The following JMJD8 variants were observed in gnomAD, a reference collection of about 807,000 sequenced individuals.
JMJD8 encodes jmjC domain-containing protein 8.
In JMJD8, 56 loss-of-function variants were observed where a neutral mutation model predicts 37.6. The ratio of observed to expected loss-of-function variants is 1.49; its 90% CI spans 1.20 to 1.86. The LOEUF (loss-of-function observed/expected upper bound fraction) is 1.86, where lower values mean the gene tolerates loss of function less well. Among genes scored for constraint, JMJD8 ranks in the 40% most tolerant of loss-of-function variants. The probability of loss-of-function intolerance (pLI) is 0.00; values close to 1 mark genes in which losing one functional copy is unlikely to be tolerated. For synonymous variants in JMJD8, 261 were observed against 163.7 expected (o/e 1.59, Z -4.54); for missense variants, 542 against 362.7 (o/e 1.49, Z -4.01).
Position 682,439 on chromosome 16 carries a change from G to A in JMJD8, c.*355C>T. ...GCTCATCCCCAACTTGGCTATGAAGGAGGTTATTGACGCATTCATCTCTGA... is the reference window on the plus strand; with the variant it reads ...GCTCATCCCCAACTTGGCTATGAAGAAGGTTATTGACGCATTCATCTCTGA... On this transcript the variant is annotated 3_prime_UTR_variant, in exon 9 of 9. Coordinates refer to ENST00000609261, the MANE Select transcript of JMJD8 (RefSeq NM_001005920.4). The A allele has an allele frequency of 6.2e-7, 1 of 1,613,484 alleles. No individual in the cohort carries two copies. The highest frequency in any genetic ancestry group is 8.5e-7 in the Non-Finnish European group (1 of 1,180,012).
At position 682,469 on chromosome 16, in the gene JMJD8, G is replaced by A; in HGVS notation, c.*325C>T. On this transcript the variant is annotated 3_prime_UTR_variant, in exon 9 of 9. Transcript: ENST00000609261. ...TATTGACGCATTCATCTCTGAGAAT[G>A]GCTGGGTGGAGGACTACTGAGGTTC... 6 of 1,613,404 alleles carry A rather than the reference G, an allele frequency of 3.7e-6. No homozygotes were observed. The highest frequency in any genetic ancestry group is 5.1e-6 in the Non-Finnish European group (6 of 1,180,016).
chr16:683,596 C>G lies in JMJD8; in HGVS notation c.325G>C (p.Asp109His). 11 of 1,577,106 alleles carry G rather than the reference C, an allele frequency of 7.0e-6. No homozygotes were observed. Among genetic ancestry groups the G allele is most frequent in the Non-Finnish European group, 9.5e-6 (11 of 1,161,698 alleles). The change falls in exon 5 of 9, where the codon GAC becomes CAC. Residue 109 changes from aspartate to histidine, a missense_variant and splice_region_variant. Transcript: ENST00000609261. ...TCCACATACTCCTGGAAGGGCAAGT[C>G]CACTGCAGGAAAGAGACGGGTCAGG... The part of the protein sequence containing the change: ...TANTYSYHKV[D>H]LPFQEYVEQL...
In JMJD8 at chr16:682,141, T is replaced by C; in HGVS notation, c.*653A>G. On this transcript the variant is annotated 3_prime_UTR_variant, in exon 9 of 9. Transcript: ENST00000609261. ...TCGTGCAGTGCCCCTTTTCAGCCTC[T>C]GACCGTGTGCCCCTGTGCCACAGAA... 5 of 1,595,622 alleles carry C rather than the reference T, an allele frequency of 3.1e-6. No homozygotes were observed. Among genetic ancestry groups the C allele is most frequent in the Non-Finnish European group, 4.3e-6 (5 of 1,165,390 alleles).
Position 682,005 on chromosome 16 carries a change from C to T in JMJD8, c.*789G>A. On this transcript the variant is annotated 3_prime_UTR_variant, in exon 9 of 9. Transcript: ENST00000609261. ...TGGGGTGTCTCCCCCAAGCACAGCA[C>T]TCAACTCTTCACAGGACAAGTACAT... 6 of 1,609,502 alleles carry T rather than the reference C, an allele frequency of 3.7e-6. No individual in the cohort carries two copies. In the South Asian group the frequency reaches 4.4e-5, roughly 12 times the overall value.
In JMJD8 at chr16:682,628, T is replaced by A; in HGVS notation, c.*166A>T. 1 of 1,435,676 alleles carries A rather than the reference T, an allele frequency of 7.0e-7. No individual in the cohort carries two copies. The highest frequency in any genetic ancestry group is 9.5e-7 in the Non-Finnish European group (1 of 1,050,750). 88.9% of individuals were successfully genotyped at this position (1,435,676 alleles called of 1,614,324 possible). Reference sequence around the variant, plus strand: ...GTTGGACTCTGGACTGTTTCCCCTCTCAGCATCGCTTTTGCTGGGCCGTGA... The same window carrying A: ...GTTGGACTCTGGACTGTTTCCCCTCACAGCATCGCTTTTGCTGGGCCGTGA... On this transcript the variant is annotated 3_prime_UTR_variant, in exon 9 of 9. Transcript: ENST00000609261.
At chr16:683,984 G>C in intron 2 of JMJD8, 75 bp from the exon 3 acceptor site, 1 of 1,556,530 alleles carries the variant, frequency 6.4e-7, no homozygotes, top group Non-Finnish European at 8.6e-7. Context: ...TGCGCGCGAG[G>C]TCAGGGGAAG....
intron 7 of JMJD8, 25 bp downstream of exon 7, chr16:683,142 G>A (rs757156198): frequency 6.2e-7 from 1 of 1,613,446 alleles, no homozygotes; most frequent in Non-Finnish European, 8.5e-7. Flanking sequence ...CGAGTCCCAA[G>A]CCTCAACCCC....
Position 682,067 on chromosome 16 carries a change from GAA to G in JMJD8, c.*725_*726del, listed in dbSNP as rs750779545. ...ACGAGCTTTTTTCTCAGGTGGATGA[GAA>G]GAGGAAGGTGAGTGTGTGTCGCTTG... On this transcript the variant is annotated 3_prime_UTR_variant, in exon 9 of 9. Transcript: ENST00000609261. The G allele has an allele frequency of 6.3e-7, 1 of 1,583,314 alleles. No homozygotes were observed. The highest frequency in any genetic ancestry group is 1.1e-5 in the South Asian group (1 of 87,784).
intron 8 of JMJD8, 21 bp from the exon 9 acceptor site, chr16:682,895 A>G (rs1040759509): frequency 1.9e-6 from 3 of 1,612,610 alleles, no homozygotes; most frequent in Non-Finnish European, 1.7e-6. Context: ...AAGGGGGTGC[A>G]GCAGAGATTA....
chr16:683,498 C>T (rs1354201810), intron 5 of JMJD8, 32 bp downstream of exon 5: 1 of 1,544,962 alleles, frequency 6.5e-7, no homozygotes, highest in South Asian at 1.2e-5. Flanking sequence ...CCAAGCGTCC[C>T]CACCCCCTAC....
rs748007054 is a variant in JMJD8, at chr16:681,866, AT to A, written c.*927del. On this transcript the variant is annotated 3_prime_UTR_variant, in exon 9 of 9. Coordinates refer to ENST00000609261, the MANE Select transcript of JMJD8 (RefSeq NM_001005920.4). ...CCACGTCCGGGCCCAGCAGGCCTGC[AT>A]TGAGGCCAAGCACGTGAGGGTGCCC... 1 of 1,612,726 alleles carries A rather than the reference AT, an allele frequency of 6.2e-7. No homozygotes were observed. Among genetic ancestry groups the A allele is most frequent in the Non-Finnish European group, 8.5e-7 (1 of 1,179,968 alleles).
In JMJD8 at chr16:681,875, A is replaced by G; in HGVS notation, c.*919T>C. Reference sequence around the variant, plus strand: ...GGCCCAGCAGGCCTGCATTGAGGCCAAGCACGTGAGGGTGCCCCCCACCCA... The same window carrying G: ...GGCCCAGCAGGCCTGCATTGAGGCCGAGCACGTGAGGGTGCCCCCCACCCA... On this transcript the variant is annotated 3_prime_UTR_variant, in exon 9 of 9. Coordinates refer to ENST00000609261, the MANE Select transcript of JMJD8 (RefSeq NM_001005920.4). The G allele has an allele frequency of 6.2e-7, 1 of 1,612,954 alleles. No homozygotes were observed. Among genetic ancestry groups the G allele is most frequent in the Non-Finnish European group, 8.5e-7 (1 of 1,179,974 alleles).
rs761789153 is a variant in JMJD8, at chr16:683,041, T to C, written c.626A>G (p.Asn209Ser). ...PPEKTPEFHPNKTTLAWLRDT... is the reference protein window; with the variant it reads ...PPEKTPEFHPSKTTLAWLRDT... Reference sequence around the variant, plus strand: ...CCGGAGCCAGGCCAGCGTGGTCTTGTTGGGGTGGAACTCTGGCGTCTTCTC... The same window carrying C: ...CCGGAGCCAGGCCAGCGTGGTCTTGCTGGGGTGGAACTCTGGCGTCTTCTC... Residue 209 changes from asparagine to serine, a missense_variant, in exon 8 of 9, where the codon AAC becomes AGC. Coordinates refer to ENST00000609261, the MANE Select transcript of JMJD8 (RefSeq NM_001005920.4). The C allele has an allele frequency of 4.3e-6, 7 of 1,613,396 alleles. No homozygotes were observed. The East Asian group carries it at 1.6e-4, about 36-fold the overall frequency.
Position 684,054 on chromosome 16 carries a change from G to C in JMJD8, c.176+12C>G, listed in dbSNP as rs531001243. The C allele has an allele frequency of 6.3e-7, 1 of 1,579,508 alleles. No individual in the cohort carries two copies. Among genetic ancestry groups the C allele is most frequent in the African/African-American group, 1.3e-5 (1 of 74,526 alleles). On this transcript the variant is annotated intron_variant, in intron 2 of 8. Transcript: ENST00000609261. ...AACAGGACGCGACCTCCGCGATCAGGGGCGCACGTACTGCTGCACGAACTC... is the reference window on the plus strand; with the variant it reads ...AACAGGACGCGACCTCCGCGATCAGCGGCGCACGTACTGCTGCACGAACTC...
In JMJD8 at chr16:683,553, T is replaced by C. The variant is rs369212012; in HGVS notation, c.368A>G (p.Gln123Arg). 3 of 1,569,006 alleles carry C rather than the reference T, an allele frequency of 1.9e-6. No homozygotes were observed. Among genetic ancestry groups the C allele is most frequent in the Non-Finnish European group, 2.6e-6 (3 of 1,156,990 alleles). The change falls in exon 5 of 9, where the codon CAG (glutamine) becomes CGG (arginine). Residue 123 changes from glutamine (Q) to arginine (R), a missense_variant. Transcript: ENST00000609261. The part of the protein sequence containing the change: ...QEYVEQLLHP[Q>R]DPTSLGNDTL... ...ACCATTGCCCAGGGAGGTGGGGTCC[T>C]GGGGGTGCAGCAGCTGCTCCACATA... is the stretch of plus-strand genomic sequence containing the variant.
In JMJD8 at chr16:684,155, C is replaced by A; in HGVS notation, c.87G>T (p.Trp29Cys). 6.8e-7 allele frequency: 1 copy of A among 1,468,180 alleles called. No individual in the cohort carries two copies. The allele number at this position is 1,468,180 out of a possible 1,614,324, so 90.9% of individuals were successfully genotyped here. A position where few individuals can be genotyped will look rare whatever the true frequency, so the allele number is the denominator to read the frequency against. Residue 29 changes from tryptophan (W) to cysteine (C), a missense_variant and splice_region_variant, in exon 2 of 9, where the codon TGG becomes TGT. Transcript: ENST00000609261. ...PGSGAEGDGG[W>C]RPGGPGAVAE... The stretch of plus-strand genomic sequence containing the variant: ...CCACGGCCCCCGGCCCGCCCGGGCG[C>A]CTGCGGGCACAGCTGGGTCAGCCCG...
rs2039741785 is a variant in JMJD8 at position 682,973 on chromosome 16, ACTC to A, written c.691_693del (p.Glu231del). 1 of 1,612,768 alleles carries A rather than the reference ACTC, an allele frequency of 6.2e-7. No homozygotes were observed. The highest frequency in any genetic ancestry group is 8.5e-7 in the Non-Finnish European group (1 of 1,179,748). On this transcript the variant is annotated inframe_deletion, in exon 8 of 9. Coordinates refer to ENST00000609261, the MANE Select transcript of JMJD8 (RefSeq NM_001005920.4). ...CTGACCTCACCAGCCCGGATGGTAC[ACTC>A]CAGGGGCCGTGCAGACGGTGGCAGG...
In JMJD8 at chr16:683,785, C is replaced by A. The variant is rs367593415; in HGVS notation, c.226-4G>T. 9 of 1,602,508 alleles carry A rather than the reference C, an allele frequency of 5.6e-6. No individual in the cohort carries two copies. The highest frequency in any genetic ancestry group is 7.7e-6 in the Non-Finnish European group (9 of 1,175,398). On this transcript the variant is annotated splice_polypyrimidine_tract_variant and splice_region_variant and intron_variant, in intron 3 of 8. Coordinates refer to ENST00000609261, the MANE Select transcript of JMJD8 (RefSeq NM_001005920.4). ...GGGAGCACAGGGCCCGGAACCTCTG[C>A]GGGGGCGGGGAGGGGACTTAGTGGC...
chr16:682,507 G>T lies in JMJD8; in HGVS notation c.*287C>A, dbSNP rs375637153. The T allele has an allele frequency of 1.3e-4, 214 of 1,612,838 alleles. 2 individuals carry two copies. In the South Asian group the frequency reaches 2.2e-3, roughly 17 times the overall value. ...ACTACTGAGGTTCCCTGCCCTACCT[G>T]GCGTCCTGGTCCAGGGGAGCCCTGG... On this transcript the variant is annotated 3_prime_UTR_variant, in exon 9 of 9. Coordinates refer to ENST00000609261, the MANE Select transcript of JMJD8 (RefSeq NM_001005920.4).
Sources: gnomAD v4.1 joint callset for allele counts on GRCh38, gnomAD v4.1.1 for gene constraint, MANE v1.5 for transcripts, NCBI Gene and HGNC (gene_info 2026-07-23, HGNC 2026-07-21) for gene names.